Variants in SELENOW observed in about 807,000 individuals in gnomAD.
SELENOW encodes selenoprotein W, 1.
A neutral mutation model predicts 16.6 loss-of-function variants in SELENOW; 20 were observed. The ratio of observed to expected loss-of-function variants is 1.21; its 90% CI spans 0.85 to 1.76. SELENOW has a LOEUF of 1.76. Ranked by LOEUF, SELENOW falls within the 40% of genes most tolerant of loss-of-function variation. The pLI is 0.00. For synonymous variants in SELENOW, 44 were observed against 46.2 expected (o/e 0.95, Z 0.19); for missense variants, 124 against 111.0 (o/e 1.12, Z -0.53).
intron 5 of SELENOW, 175 bp from the exon 6 acceptor site, chr19:47,784,115 G>T (rs1967505835): frequency 6.6e-6 from 1 of 152,074 alleles, no homozygotes; most frequent in Non-Finnish European, 1.5e-5. Flanking sequence ...GCCCAGACTG[G>T]TCTCAAACTC....
At chr19:47,781,492 A>G (rs1204321572) in intron 5 of SELENOW, 104 bp downstream of exon 5, 1 of 685,378 alleles carries the variant, frequency 1.5e-6, no homozygotes, top group Non-Finnish European at 2.6e-6. Context: ...TGGGGGGGAC[A>G]TCACGTGTGT....
At chr19:47,781,079 C>T in intron 3 of SELENOW, 29 bp from the exon 4 acceptor site, 4 of 1,607,470 alleles carry the variant, frequency 2.5e-6, no homozygotes, top group Non-Finnish European at 2.6e-6. Flanking sequence ...CTTAGCCCCT[C>T]CAACATCTCC....
intron 5 of SELENOW, among the ~76,000 whole-genome samples, chr19:47,781,797 C>T (rs149245934): frequency 2.7e-5 from 4 of 148,748 alleles, no homozygotes; most frequent in South Asian, 2.1e-4. Flanking sequence ...CAGAGGTGTG[C>T]AGGATGATGG....
intron 1 of SELENOW, 101 bp downstream of exon 1, chr19:47,778,915 T>C (rs1862485): frequency 0.7 from 844,095 of 1,210,236 alleles, 296,136 homozygotes; most frequent in African/African-American, 0.75. Context: ...ATGGGAGCCC[T>C]TGTATGGGAA....
intron 1 of SELENOW, 181 bp downstream of exon 1, chr19:47,778,995 G>T (rs777082815): frequency 5.1e-6 from 3 of 583,620 alleles, no homozygotes; most frequent in Non-Finnish European, 8.9e-6. Context: ...TCGTCCCTAG[G>T]CCCCGTCTTC....
At position 47,778,819 on chromosome 19, in the gene SELENOW, G is replaced by A. The variant is rs750142816; in HGVS notation, c.29+5G>A. ...CGCCGTCCGAGTCGTTTATTGGTAA[G>A]CCCAGCGGCCAGCGGCCCCCGTCCC... On this transcript the variant is annotated splice_donor_5th_base_variant and intron_variant, in intron 1 of 5. Coordinates refer to ENST00000601048, the MANE Select transcript of SELENOW (RefSeq NM_003009.4). 9 of 1,549,756 alleles carry A rather than the reference G, an allele frequency of 5.8e-6. No homozygotes were observed. In the African/African-American group the frequency reaches 1.4e-4, roughly 25 times the overall value.
Position 47,780,927 on chromosome 19 carries a change from G to A in SELENOW, c.108+10G>A. Reference sequence around the variant, plus strand: ...CGGCCGCCTGGACATCGTGAGTCTTGGGATGGGGAGAAAGACTTGAGCACA... The same window carrying A: ...CGGCCGCCTGGACATCGTGAGTCTTAGGATGGGGAGAAAGACTTGAGCACA... On this transcript the variant is annotated intron_variant, in intron 3 of 5. Transcript: ENST00000601048. The A allele has an allele frequency of 6.2e-7, 1 of 1,613,162 alleles. No individual in the cohort carries two copies. The highest frequency in any genetic ancestry group is 8.5e-7 in the Non-Finnish European group (1 of 1,179,526).
At chr19:47,778,951 G>T in intron 1 of SELENOW, 137 bp downstream of exon 1, 1 of 820,526 alleles carries the variant, frequency 1.2e-6, no homozygotes, top group Non-Finnish European at 1.8e-6. Flanking sequence ...TGTGGGTGGG[G>T]TGGGCGTACG....
chr19:47,781,148 T>G lies in SELENOW; in HGVS notation c.149T>G (p.Val50Gly). 7 of 1,613,698 alleles carry G rather than the reference T, an allele frequency of 4.3e-6. No individual in the cohort carries two copies. The highest frequency in any genetic ancestry group is 5.1e-6 in the Non-Finnish European group (6 of 1,179,792). ...CCCCAGGCCACCGGGTTCTTTGAAG[T>G]GATGGTAGCCGGGAAGTTGATTCAC... The part of the protein sequence containing the change: ...GTPQATGFFE[V>G]MVAGKLIHSK... Residue 50 changes from valine (V) to glycine (G), a missense_variant, in exon 4 of 6, where the codon GTG (valine) becomes GGG (glycine). Val to Gly is a moderately radical substitution (Grantham distance 109). Transcript: ENST00000601048.
intron 4 of SELENOW, 46 bp downstream of exon 4, chr19:47,781,228 G>A (rs371884185): frequency 9.8e-5 from 158 of 1,605,226 alleles, no homozygotes; most frequent in African/African-American, 1.5e-4. Flanking sequence ...CTAGCATGGG[G>A]TTGGGGCTGA....
chr19:47,780,996 G>C, intron 3 of SELENOW, 79 bp downstream of exon 3: 1 of 1,565,252 alleles, frequency 6.4e-7, no homozygotes, highest in Non-Finnish European at 8.8e-7. Context: ...CTGCAGGGGG[G>C]TTAGGTCAGC....
At chr19:47,781,426 A>C in intron 5 of SELENOW, 38 bp downstream of exon 5, 1 of 1,128,260 alleles carries the variant, frequency 8.9e-7, no homozygotes, top group South Asian at 1.3e-5. Context: ...CACCCTTTGG[A>C]TCTTCTCCCT....
chr19:47,781,945 G>A (rs983010591), intron 5 of SELENOW, among the ~76,000 whole-genome samples: 1 of 152,076 alleles, frequency 6.6e-6, no homozygotes, highest in Non-Finnish European at 1.5e-5. Flanking sequence ...TATGCAGGAT[G>A]ACAGCTGAGA....
intron 1 of SELENOW, chr19:47,779,965 G>A (rs927740311): frequency 3.9e-5 from 12 of 306,190 alleles, no homozygotes; most frequent in Non-Finnish European, 6.1e-5. Flanking sequence ...GCTTTCCAAC[G>A]TCTCTGCCTG....
At chr19:47,780,960 T>C (rs1232929986) in intron 3 of SELENOW, 43 bp downstream of exon 3, 1 of 1,606,662 alleles carries the variant, frequency 6.2e-7, no homozygotes, top group East Asian at 2.2e-5. Flanking sequence ...ACAGCCACTG[T>C]GTCGGTCCGT....
rs1334778365 is a variant in SELENOW, at chr19:47,778,796, C to T, written c.11C>T (p.Ala4Val). 1 of 1,605,862 alleles carries T rather than the reference C, an allele frequency of 6.2e-7. No homozygotes were observed. The highest frequency in any genetic ancestry group is 1.1e-5 in the South Asian group (1 of 89,808). MAL[A>V]VRVVYCGAUG... ...TGGCAGCCCCGAGCCATGGCTCTCG[C>T]CGTCCGAGTCGTTTATTGGTAAGCC... Residue 4 changes from alanine to valine, a missense_variant, in exon 1 of 6, where the codon GCC becomes GTC. Transcript: ENST00000601048.
intron 1 of SELENOW, 191 bp from the exon 2 acceptor site, chr19:47,780,534 G>T: frequency 1.6e-6 from 1 of 609,062 alleles, no homozygotes. Flanking sequence ...CCAAAACTCT[G>T]CCTGGCTGGT....
At position 47,784,314 on chromosome 19, in the gene SELENOW, C is replaced by T. The variant is rs1967508126; in HGVS notation, c.*43C>T. On this transcript the variant is annotated 3_prime_UTR_variant, in exon 6 of 6. Transcript: ENST00000601048. ...GTCCAGGGACCTTGACCCAGCCCCT[C>T]TCAGCAGACGCTTCATGATAGGAAG... The T allele has an allele frequency of 1.3e-5, 2 of 152,784 alleles. No homozygotes were observed. Among genetic ancestry groups the T allele is most frequent in the Non-Finnish European group, 1.5e-5 (1 of 68,040 alleles). 9.5% of individuals were successfully genotyped at this position (152,784 alleles called of 1,614,324 possible).
chr19:47,782,540 C>G (rs1757582191), intron 5 of SELENOW: 1 of 123,070 alleles, frequency 8.1e-6, no homozygotes, highest in Admixed American at 8.6e-5. Flanking sequence ...GTTTTTCTTT[C>G]TTTCTTTCTT....
Sources: allele counts gnomAD v4.1 joint callset (sites outside exome capture counted in the v4.1 genomes callset), GRCh38; gene constraint gnomAD v4.1.1; transcripts MANE v1.5; gene names NCBI Gene and HGNC (gene_info 2026-07-23, HGNC 2026-07-21).